DNAAF19: variants seen among roughly 807,000 people sequenced by gnomAD.
DNAAF19 encodes coiled-coil domain containing 103.
At chr17:44,903,489 T>C in the DNAAF19 span, 7 of 1,274,992 alleles carry the variant, frequency 5.5e-6, no homozygotes, top group Non-Finnish European at 6.9e-6. Flanking sequence ...GAGATCTCCC[T>C]GCCCGAGCAC....
chr17:44,904,373 G>A, the DNAAF19 span: 22 of 1,543,466 alleles, frequency 1.4e-5, no homozygotes, highest in Middle Eastern at 1.7e-4. Flanking sequence ...TGACCGCTGC[G>A]GAGTGCGTGG....
At chr17:44,901,617 A>C in the DNAAF19 span, 5 of 1,614,184 alleles carry the variant, frequency 3.1e-6, no homozygotes, top group East Asian at 1.1e-4. Context: ...TATTCAGGGA[A>C]GGACCTTCCA....
chr17:44,904,336 C>T, the DNAAF19 span: 2 of 1,541,992 alleles, frequency 1.3e-6, no homozygotes, highest in African/African-American at 2.7e-5. Flanking sequence ...TCCATGTCTT[C>T]ACCACCTTCT....
At chr17:44,902,376 C>T in the DNAAF19 span, 5 of 1,614,100 alleles carry the variant, frequency 3.1e-6, no homozygotes, top group African/African-American at 6.7e-5. Context: ...AGAAAGCCCC[C>T]CTCCAGCCCG....
the DNAAF19 span, chr17:44,901,618 G>A: frequency 6.2e-7 from 1 of 1,614,186 alleles, no homozygotes; most frequent in Non-Finnish European, 8.5e-7. Context: ...ATTCAGGGAA[G>A]GACCTTCCAG....
the DNAAF19 span, chr17:44,904,053 A>G: frequency 6.4e-7 from 1 of 1,550,660 alleles, no homozygotes; most frequent in Non-Finnish European, 8.7e-7. Flanking sequence ...GGTAGCAGCC[A>G]CACCAAAGTG....
At chr17:44,903,769 C>G in the DNAAF19 span, 1 of 1,485,912 alleles carries the variant, frequency 6.7e-7, no homozygotes, top group East Asian at 2.5e-5. Flanking sequence ...TTTCTAGGAG[C>G]CCTATGAGCC....
the DNAAF19 span, chr17:44,902,691 G>A: frequency 6.2e-7 from 1 of 1,613,974 alleles, no homozygotes; most frequent in South Asian, 1.1e-5. Context: ...TGCAAGCCAT[G>A]GGCAACCCCA....
chr17:44,902,314 G>A, the DNAAF19 span: 7 of 1,612,838 alleles, frequency 4.3e-6, no homozygotes, highest in Non-Finnish European at 5.9e-6. Flanking sequence ...TGTCACTGTT[G>A]CAGAACAGCT....
At chr17:44,902,737 G>T in the DNAAF19 span, 2 of 1,610,734 alleles carry the variant, frequency 1.2e-6, no homozygotes, top group Non-Finnish European at 1.7e-6. Context: ...GGAGGAGCAG[G>T]GTCTGGAGGA....
chr17:44,904,393 G>A, the DNAAF19 span: 1 of 1,542,534 alleles, frequency 6.5e-7, no homozygotes, highest in Non-Finnish European at 8.8e-7. Context: ...GGGAGCAGTG[G>A]CGCATCGGCC....
the DNAAF19 span, chr17:44,901,522 G>T: frequency 3.7e-6 from 6 of 1,614,106 alleles, no homozygotes; most frequent in African/African-American, 4.0e-5. Flanking sequence ...GCCTACAGGG[G>T]TATTGTCCTT....
chr17:44,904,473 G>T, the DNAAF19 span: 4 of 1,546,442 alleles, frequency 2.6e-6, no homozygotes, highest in Non-Finnish European at 3.5e-6. Context: ...GTGTCTTGTG[G>T]CTCAAGGGCT....
the DNAAF19 span, chr17:44,901,052 T>C: frequency 6.2e-7 from 1 of 1,600,320 alleles, no homozygotes; most frequent in Non-Finnish European, 8.5e-7. Flanking sequence ...AGCTGCAGGC[T>C]GCACTCACTG....
chr17:44,903,071 G>A, the DNAAF19 span: 1 of 1,371,872 alleles, frequency 7.3e-7, no homozygotes, highest in Non-Finnish European at 9.4e-7. Flanking sequence ...CCCACCCTTA[G>A]AGTCTGCCAA....
the DNAAF19 span, chr17:44,904,786 C>T: frequency 6.4e-7 from 1 of 1,550,682 alleles, no homozygotes; most frequent in East Asian, 2.4e-5. Context: ...TCAACAGGTC[C>T]ATGAGGGTGT....
the DNAAF19 span, chr17:44,902,670 G>GTT: frequency 6.2e-7 from 1 of 1,614,168 alleles, no homozygotes; most frequent in Non-Finnish European, 8.5e-7. Flanking sequence ...GCAAGGGCTT[G>GTT]TTTCAGAAGC....
the DNAAF19 span, chr17:44,901,803 G>A: frequency 2.1e-6 from 2 of 938,606 alleles, no homozygotes; most frequent in Non-Finnish European, 3.1e-6. Context: ...ATAGGTTTCT[G>A]CCTCCAATCC....
At chr17:44,905,119 A>T in the DNAAF19 span, 2 of 1,404,138 alleles carry the variant, frequency 1.4e-6, no homozygotes, top group African/African-American at 1.4e-5. Context: ...TGTGTTTGTT[A>T]AATGATACCA....
Sources: gnomAD v4.1 joint callset for allele counts on GRCh38, gnomAD v4.1.1 for gene constraint, MANE v1.5 for transcripts, NCBI Gene and HGNC (gene_info 2026-07-23, HGNC 2026-07-21) for gene names.